The following PCDHGA3 variants were observed in gnomAD, a reference collection of about 807,000 sequenced individuals.
PCDHGA3 encodes the protein protocadherin gamma subfamily A, 3.
Under a neutral mutation model 58.5 loss-of-function variants are expected in PCDHGA3, and 40 were observed. The observed-to-expected ratio is 0.68, with a 90% CI of 0.53 to 0.89. The LOEUF (loss-of-function observed/expected upper bound fraction) is 0.89. PCDHGA3 is among the 40% of genes least tolerant of loss of function. PCDHGA3 has a pLI of 0.00. For missense variants in PCDHGA3, 1,223 were observed against 1,195.9 expected, an observed-to-expected ratio of 1.02 and a Z score of -0.33; for synonymous variants, 530 against 525.7, an observed-to-expected ratio of 1.01 and a Z score of -0.11.
At chr5:141,375,948 A>C in intron 1 of PCDHGA3, 1 of 1,613,556 alleles carries the variant, frequency 6.2e-7, no homozygotes, top group Non-Finnish European at 8.5e-7. Context: ...GTGGGCCTGC[A>C]CACGGGCGAG....
intron 1 of PCDHGA3, among the ~76,000 whole-genome samples, chr5:141,473,107 C>A (rs2099314182): frequency 6.6e-6 from 1 of 152,134 alleles, no homozygotes; most frequent in Admixed American, 6.5e-5. Flanking sequence ...TATTACCACA[C>A]TTTACTTGGC....
At position 141,476,294 on chromosome 5, in the gene PCDHGA3, A is replaced by T. The variant is rs376905832; in HGVS notation, c.2425-18513A>T. On this transcript the variant is annotated intron_variant, in intron 1 of 3. Coordinates refer to ENST00000253812, the MANE Select transcript of PCDHGA3 (RefSeq NM_018916.4). The surrounding 1 kb of genome is among the most constrained non-coding windows in gnomAD (Gnocchi z 7.6). ...CGCGAACCTTGGTTTGGATCTCGGT[A>T]GCCTCTCAGCCCGCAGGTTCCGGGT... is the stretch of plus-strand genomic sequence containing the variant. 2 of 1,613,036 alleles carry T rather than the reference A, an allele frequency of 1.2e-6. No homozygotes were observed. The highest frequency in any genetic ancestry group is 1.7e-6 in the Non-Finnish European group (2 of 1,179,642).
chr5:141,421,125 C>G, intron 1 of PCDHGA3: 1 of 804,210 alleles, frequency 1.2e-6, no homozygotes, highest in Admixed American at 3.0e-5. Flanking sequence ...CCTTCGCTTT[C>G]TGATATATTT....
chr5:141,481,842 T>C (rs1402237517), intron 1 of PCDHGA3, among the ~76,000 whole-genome samples: 1 of 144,038 alleles, frequency 6.9e-6, no homozygotes, highest in Non-Finnish European at 1.5e-5. Flanking sequence ...AATCGCTTGA[T>C]GGTGGAGGTT....
At chr5:141,419,567 G>A in intron 1 of PCDHGA3, 1 of 1,611,758 alleles carries the variant, frequency 6.2e-7, no homozygotes, top group Non-Finnish European at 8.5e-7. Context: ...GCTGGGTCCC[G>A]ACGGCTCCGC....
chr5:141,440,780 C>T (rs748247053), intron 1 of PCDHGA3: 1 of 152,158 alleles, frequency 6.6e-6, no homozygotes, highest in African/African-American at 2.4e-5. Flanking sequence ...GTGCTAGCAG[C>T]CTTAGACGGC....
At chr5:141,394,692 C>T (rs1356120664) in intron 1 of PCDHGA3, 1 of 1,613,028 alleles carries the variant, frequency 6.2e-7, no homozygotes, top group Non-Finnish European at 8.5e-7. Context: ...GGGCGAGGTG[C>T]GCACGGCGCG....
intron 1 of PCDHGA3, chr5:141,398,470 A>G: frequency 6.2e-7 from 1 of 1,604,828 alleles, no homozygotes; most frequent in Non-Finnish European, 8.5e-7. Flanking sequence ...AAATCCACTG[A>G]ACTTTTATCA....
intron 1 of PCDHGA3, among the ~76,000 whole-genome samples, chr5:141,457,459 CA>C (rs1402759850): frequency 6.6e-6 from 1 of 152,166 alleles, no homozygotes; most frequent in Non-Finnish European, 1.5e-5. Context: ...CCACTTGATT[CA>C]CAGGAATAAG....
At chr5:141,418,935 A>T (rs1424307952) in intron 1 of PCDHGA3, 2 of 1,613,834 alleles carry the variant, frequency 1.2e-6, no homozygotes, top group Admixed American at 3.3e-5. Context: ...ATTATGGAGG[A>T]TTCCCCTCCA....
chr5:141,427,999 T>A, intron 1 of PCDHGA3: 1 of 1,601,186 alleles, frequency 6.2e-7, no homozygotes, highest in Non-Finnish European at 8.5e-7. Context: ...GGCTCCGCAC[T>A]CTTCGATATA....
Position 141,345,221 on chromosome 5 carries a change from A to C in PCDHGA3, c.1188A>C (p.Lys396Asn). ...VLGNLPFKLE[K>N]SIDQYYRLVT... ...GAAATCTGCCATTTAAGTTAGAAAA[A>C]TCAATAGATCAATATTACCGCTTAG... is the stretch of plus-strand genomic sequence containing the variant. The change falls in exon 1 of 4, where the codon AAA becomes AAC. Residue 396 changes from lysine (K) to asparagine (N), a missense_variant. Physicochemically the swap from Lys to Asn is moderately conservative, Grantham distance 94 (BLOSUM62 0). Transcript: ENST00000253812. 1 of 1,613,936 alleles carries C rather than the reference A, an allele frequency of 6.2e-7. No individual in the cohort carries two copies. Among genetic ancestry groups the C allele is most frequent in the Non-Finnish European group, 8.5e-7 (1 of 1,179,888 alleles).
At chr5:141,365,918 T>C (rs773521729) in intron 1 of PCDHGA3, 8 of 1,613,992 alleles carry the variant, frequency 5.0e-6, no homozygotes, top group Non-Finnish European at 6.8e-6. Flanking sequence ...AGACCTACAG[T>C]TGTGGGTGAC....
In PCDHGA3 at chr5:141,485,539, G is replaced by T; in HGVS notation, c.2425-9268G>T. 6.2e-7 allele frequency: 1 copy of T among 1,614,104 alleles called. No individual in the cohort carries two copies. Among genetic ancestry groups the T allele is most frequent in the Non-Finnish European group, 8.5e-7 (1 of 1,179,998 alleles). On this transcript the variant is annotated intron_variant, in intron 1 of 3. Coordinates refer to ENST00000253812, the MANE Select transcript of PCDHGA3 (RefSeq NM_018916.4). This position sits in a 1 kb window ranked among gnomAD's most constrained non-coding sequence, Gnocchi z 5.7. ...TGGAAATGTACCGAGCAGAGGTAGA[G>T]ATCGTAGATGTGAATGATCACGCCC...
At chr5:141,427,958 G>A (rs1266312663) in intron 1 of PCDHGA3, 3 of 1,588,290 alleles carry the variant, frequency 1.9e-6, no homozygotes, top group Admixed American at 1.7e-5. Context: ...ACAATGTGCC[G>A]CGGGTGCTGT....
intron 1 of PCDHGA3, among the ~76,000 whole-genome samples, chr5:141,380,531 AT>A (rs543704325): frequency 5.7e-4 from 87 of 152,348 alleles, no homozygotes; most frequent in African/African-American, 2.0e-3. Flanking sequence ...AATGATTTCA[AT>A]TTGATACAAT....
At chr5:141,475,983 C>T in intron 1 of PCDHGA3, 2 of 1,049,240 alleles carry the variant, frequency 1.9e-6, no homozygotes, top group Non-Finnish European at 2.8e-6. Context: ...GAACAGCCGG[C>T]GAGCAAATCA....
intron 1 of PCDHGA3, chr5:141,365,094 T>C: frequency 2.5e-6 from 4 of 1,613,786 alleles, no homozygotes; most frequent in East Asian, 2.2e-5. Context: ...CCAGAGAACA[T>C]ACCTGTGGGC....
At chr5:141,410,828 C>A in intron 1 of PCDHGA3, 4 of 377,748 alleles carry the variant, frequency 1.1e-5, no homozygotes, top group Non-Finnish European at 1.8e-5. Context: ...TGTCACCAGA[C>A]TGAAGATATT....
Sources: allele counts gnomAD v4.1 joint callset (sites outside exome capture counted in the v4.1 genomes callset), GRCh38; gene constraint gnomAD v4.1.1; non-coding constraint Gnocchi (gnomAD v3.1); transcripts MANE v1.5; gene names NCBI Gene and HGNC (gene_info 2026-07-23, HGNC 2026-07-21).